The following CDKL5 variants were observed in gnomAD, a reference collection of about 807,000 sequenced individuals.
The protein encoded by CDKL5 is cyclin-dependent kinase-like 5.
A neutral mutation model predicts 61.7 loss-of-function variants in CDKL5; 8 were observed. The observed-to-expected ratio is 0.13, with a 90% CI of 0.08 to 0.23. CDKL5 has a LOEUF of 0.23. Ranked by LOEUF, CDKL5 falls within the 10% of genes least tolerant of loss-of-function variation. The pLI is 1.00. For missense variants in CDKL5, 440 were observed against 734.5 expected (o/e 0.60, Z 4.63); for synonymous variants, 275 against 272.3 (o/e 1.01, Z -0.10).
At chrX:18,620,993 G>A (rs1926873268) in intron 16 of CDKL5, among the ~76,000 whole-genome samples, 1 of 112,028 alleles carries the variant, frequency 8.9e-6, no homozygotes, top group Non-Finnish European at 1.9e-5. Flanking sequence ...GCCCACTTAG[G>A]CCTCCCAAAG....
At chrX:18,439,563 G>A (rs1045181302) in intron 1 of CDKL5, among the ~76,000 whole-genome samples, 15 of 111,190 alleles carry the variant, frequency 1.3e-4, no homozygotes, top group African/African-American at 4.9e-4. Context: ...TTGTTGGCTG[G>A]GCGTGGTGGC....
chrX:18,603,232 T>C (rs773670100), intron 11 of CDKL5, among the ~76,000 whole-genome samples: 1 of 112,361 alleles, frequency 8.9e-6, no homozygotes, highest in East Asian at 2.8e-4. Context: ...CAAAGAGATA[T>C]CTGAAGAGCC....
Position 18,480,105 on chromosome X carries a change from T to C in CDKL5, c.-162-26830T>C, listed in dbSNP as rs759712809. Among the ~76,000 whole-genome samples the C allele has an allele frequency of 2.8e-3, 317 of 112,010 alleles. 1 individual carries two copies. Among genetic ancestry groups the C allele is most frequent in the Non-Finnish European group, 2.7e-3 (142 of 53,252 alleles). On this transcript the variant is annotated intron_variant, in intron 1 of 17. Coordinates refer to ENST00000623535, the MANE Select transcript of CDKL5 (RefSeq NM_001323289.2). ...GTTCATACTTTATTCAAATTTCCTGTTTTAATCTAATGTCTTTTTTTTTCT... is the reference window on the plus strand; with the variant it reads ...GTTCATACTTTATTCAAATTTCCTGCTTTAATCTAATGTCTTTTTTTTTCT...
In CDKL5 at chrX:18,631,986, G is replaced by A; in HGVS notation, c.*3229G>A. 3 of 576,904 alleles carry A rather than the reference G, an allele frequency of 5.2e-6. No homozygotes were observed. The highest frequency in any genetic ancestry group is 6.3e-6 in the Non-Finnish European group (3 of 477,377). 47.5% of individuals were successfully genotyped at this position (576,904 alleles called of 1,213,427 possible). A position where few individuals can be genotyped will look rare whatever the true frequency, so the allele number is the denominator to read the frequency against. On this transcript the variant is annotated 3_prime_UTR_variant, in exon 18 of 18. Transcript: ENST00000623535. ...GGGGGGAGGTGATGGTATGCTACTG[G>A]CATCAAGTGGTTAGAGGCCACAGAT...
chrX:18,430,969 C>G (rs1323022618), intron 1 of CDKL5, among the ~76,000 whole-genome samples: 1 of 109,065 alleles, frequency 9.2e-6, no homozygotes, highest in East Asian at 2.9e-4. Flanking sequence ...TCAAGTGATT[C>G]TCTTGCCTTA....
At chrX:18,457,909 C>G (rs750849161) in intron 1 of CDKL5, among the ~76,000 whole-genome samples, 1 of 94,187 alleles carries the variant, frequency 1.1e-5, no homozygotes, top group Non-Finnish European at 2.1e-5. Context: ...CCACCATGCC[C>G]GGCTTTTTTT....
intron 5 of CDKL5, among the ~76,000 whole-genome samples, chrX:18,576,393 A>G (rs906625820): frequency 8.9e-6 from 1 of 111,916 alleles, no homozygotes; most frequent in African/African-American, 3.2e-5. Context: ...CCTTTAAGCA[A>G]GTTTTCTTGA....
chrX:18,550,269 C>T (rs746648546), intron 3 of CDKL5, among the ~76,000 whole-genome samples: 2 of 111,480 alleles, frequency 1.8e-5, no homozygotes, highest in East Asian at 5.6e-4. Flanking sequence ...GGGGTCCACG[C>T]GTATAAGGAA....
intron 14 of CDKL5, 109 bp from the exon 15 acceptor site, chrX:18,613,043 C>T (rs1019820181): frequency 1.9e-5 from 12 of 643,475 alleles, no homozygotes; most frequent in Non-Finnish European, 2.4e-5. Context: ...TGCACTGAGC[C>T]GAGATCACGC....
At chrX:18,622,114 C>T (rs925135117) in intron 16 of CDKL5, among the ~76,000 whole-genome samples, 2 of 111,890 alleles carry the variant, frequency 1.8e-5, no homozygotes, top group African/African-American at 3.2e-5. Flanking sequence ...GTCCCTGGCT[C>T]ACTGTGGCAC....
At chrX:18,458,882 A>C in intron 1 of CDKL5, among the ~76,000 whole-genome samples, 1 of 112,341 alleles carries the variant, frequency 8.9e-6, no homozygotes, top group Non-Finnish European at 1.9e-5. Flanking sequence ...GCACTGGTCT[A>C]GAATGTGGTT....
chrX:18,522,988 G>T (rs1923308752), intron 3 of CDKL5, among the ~76,000 whole-genome samples: 1 of 109,006 alleles, frequency 9.2e-6, no homozygotes, highest in Non-Finnish European at 1.9e-5. Flanking sequence ...TAGAGACAGA[G>T]TTTCACCATG....
At position 18,632,778 on chromosome X, in the gene CDKL5, G is replaced by A. The variant is rs1389772772; in HGVS notation, c.*4021G>A. 13 of 751,509 alleles carry A rather than the reference G, an allele frequency of 1.7e-5. No individual in the cohort carries two copies. Among genetic ancestry groups the A allele is most frequent in the Non-Finnish European group, 1.9e-5 (12 of 637,959 alleles). The allele number at this position is 751,509 out of a possible 1,213,427, so 61.9% of individuals were successfully genotyped here. A position where few individuals can be genotyped will look rare whatever the true frequency, so the allele number is the denominator to read the frequency against. On this transcript the variant is annotated 3_prime_UTR_variant, in exon 18 of 18. Coordinates refer to ENST00000623535, the MANE Select transcript of CDKL5 (RefSeq NM_001323289.2). ...CATGTTCCTAATCTGAGAATTAGTG[G>A]ACTATACTAGGAAATGCTATCCCAT...
At position 18,446,417 on chromosome X, in the gene CDKL5, A is replaced by G. The variant is rs184897669; in HGVS notation, c.-163+20722A>G. 4.0e-3 allele frequency among the ~76,000 whole-genome samples: 450 copies of G among 111,522 alleles called. 2 individuals carry two copies. The highest frequency in any genetic ancestry group is 0.014 in the African/African-American group (436 of 30,756). Reference sequence around the variant, plus strand: ...GTAGTTGTAACCACAGACAACCCCCACCTTGAACAGGTTATTTACCAAAAG... The same window carrying G: ...GTAGTTGTAACCACAGACAACCCCCGCCTTGAACAGGTTATTTACCAAAAG... On this transcript the variant is annotated intron_variant, in intron 1 of 17. Transcript: ENST00000623535.
intron 4 of CDKL5, among the ~76,000 whole-genome samples, chrX:18,574,397 G>A: frequency 8.9e-6 from 1 of 111,803 alleles, no homozygotes; most frequent in East Asian, 2.8e-4. Flanking sequence ...TTTAGACTGT[G>A]TTTTGGATTT....
chrX:18,621,213 T>C (rs1926878977), intron 16 of CDKL5, among the ~76,000 whole-genome samples: 1 of 112,208 alleles, frequency 8.9e-6, no homozygotes, highest in South Asian at 3.7e-4. Context: ...ATGAAAATTA[T>C]AGAATTATGA....
chrX:18,533,039 A>G (rs1923700191), intron 3 of CDKL5, among the ~76,000 whole-genome samples: 1 of 112,063 alleles, frequency 8.9e-6, no homozygotes, highest in African/African-American at 3.2e-5. Context: ...AATTAAATAT[A>G]TTTTTAAAAG....
At chrX:18,601,019 A>G (rs749542718) in intron 11 of CDKL5, among the ~76,000 whole-genome samples, 26 of 111,708 alleles carry the variant, frequency 2.3e-4, no homozygotes, top group Non-Finnish European at 4.1e-4. Context: ...CTTGAATCTC[A>G]ACACAAACGA....
intron 1 of CDKL5, among the ~76,000 whole-genome samples, chrX:18,467,369 T>TGTAACATGTAA (rs1489629950): frequency 2.7e-5 from 3 of 111,503 alleles, no homozygotes; most frequent in Admixed American, 1.9e-4. Context: ...AAATGTTATA[T>TGTAACATGTAA]AAACTGCATG....
Sources: gnomAD v4.1 joint callset for allele counts (sites outside exome capture counted in the v4.1 genomes callset) on GRCh38, gnomAD v4.1.1 for gene constraint, MANE v1.5 for transcripts, NCBI Gene and HGNC (gene_info 2026-07-23, HGNC 2026-07-21) for gene names.